The following LEPROTL1 variants were observed in gnomAD, a reference collection of about 807,000 sequenced individuals.
The protein encoded by LEPROTL1 is leptin receptor overlapping transcript-like 1.
A neutral mutation model predicts 15.4 loss-of-function variants in LEPROTL1; 6 were observed. That is an observed-to-expected ratio of 0.39 (90% CI 0.21 to 0.77). The LOEUF (loss-of-function observed/expected upper bound fraction) is 0.77. Among genes scored for constraint, LEPROTL1 ranks in the 30% least tolerant of loss-of-function variants. LEPROTL1 has a pLI of 0.41. For missense variants in LEPROTL1, 128 were observed against 158.1 expected, an observed-to-expected ratio of 0.81 and a Z score of 1.02; for synonymous variants, 56 against 52.6, an observed-to-expected ratio of 1.06 and a Z score of -0.28.
chr8:30,099,497 A>G (rs201860102), intron 1 of LEPROTL1, among the ~76,000 whole-genome samples: 137,518 of 150,906 alleles, frequency 0.91, 63,031 homozygotes, highest in East Asian at 1. Flanking sequence ...GCTACTCAGA[A>G]AGGCTGAGGC....
rs1215772992 is a variant in LEPROTL1 at position 30,137,296 on chromosome 8, A to G, written c.419A>G (p.Gln140Arg). The change falls in exon 5 of 5, where the codon CAA becomes CGA. Residue 140 changes from glutamine (Q) to arginine (R), a missense_variant. By Grantham distance (43) the Gln-to-Arg change is conservative (BLOSUM62 1). Transcript: ENST00000442880. ...GATGGGGCGCCTACCCTTCTTCAGC[A>G]AGATGGGAACAGCTGAGTCTGAAGG... The G allele has an allele frequency of 7.7e-6, 12 of 1,551,576 alleles. No homozygotes were observed. The African/African-American group carries it at 1.2e-4, about 16-fold the overall frequency.
At position 30,106,869 on chromosome 8, in the gene LEPROTL1, A is replaced by G; in HGVS notation, c.*1007A>G. ...GTATGTTGTATATATTACATAAAAT[A>G]ACTTTTCAAATATAGTTTAATAACA... On this transcript the variant is annotated 3_prime_UTR_variant, in exon 4 of 4. Transcript: ENST00000321250. The G allele has an allele frequency of 1.0e-6, 1 of 983,320 alleles. No individual in the cohort carries two copies. The allele number at this position is 983,320 out of a possible 1,614,324, so 60.9% of individuals were successfully genotyped here.
chr8:30,097,696 T>TACACACACACACACACACAC (rs1470929284), intron 1 of LEPROTL1, among the ~76,000 whole-genome samples: 1 of 108,984 alleles, frequency 9.2e-6, no homozygotes, highest in African/African-American at 3.4e-5. Flanking sequence ...TATATATATA[T>TACACACACACACACACACAC]ATACACACAC....
intron 1 of LEPROTL1, chr8:30,096,340 C>G: frequency 2.0e-6 from 2 of 985,084 alleles, no homozygotes. Context: ...TGATGAGAAG[C>G]AAAGTTTTCA....
intron 3 of LEPROTL1, among the ~76,000 whole-genome samples, chr8:30,124,045 T>G (rs1802872814): frequency 6.6e-6 from 1 of 151,160 alleles, no homozygotes; most frequent in African/African-American, 2.4e-5. Context: ...AAGAAGAAAC[T>G]ACCAAAACAC....
At chr8:30,133,380 A>G (rs530721042) in intron 4 of LEPROTL1, among the ~76,000 whole-genome samples, 1 of 152,348 alleles carries the variant, frequency 6.6e-6, no homozygotes, top group African/African-American at 2.4e-5. Context: ...ATAAATAAGC[A>G]TATGTATATC....
chr8:30,137,342 A>G, exon 5 of LEPROTL1: 4 of 1,551,712 alleles, frequency 2.6e-6, no homozygotes, highest in Non-Finnish European at 2.6e-6. Context: ...CTGACACAGC[A>G]GCTGCCTCTC....
intron 3 of LEPROTL1, among the ~76,000 whole-genome samples, chr8:30,128,515 C>T (rs1280520606): frequency 6.6e-6 from 1 of 151,992 alleles, no homozygotes; most frequent in African/African-American, 2.4e-5. Context: ...TTTTGGAAGG[C>T]CAAGGAGGTT....
At chr8:30,128,168 A>G (rs1401871950) in intron 3 of LEPROTL1, among the ~76,000 whole-genome samples, 1 of 152,112 alleles carries the variant, frequency 6.6e-6, no homozygotes, top group Non-Finnish European at 1.5e-5. Flanking sequence ...TCTGGCTCCG[A>G]CTTCTTTCCT....
chr8:30,115,453 C>G (rs1026629407), intron 3 of LEPROTL1, among the ~76,000 whole-genome samples: 2 of 151,874 alleles, frequency 1.3e-5, no homozygotes, highest in Non-Finnish European at 2.9e-5. Context: ...AATCCTGCAC[C>G]CTTGATCTCC....
At chr8:30,135,178 C>T (rs1360923801) in intron 4 of LEPROTL1, among the ~76,000 whole-genome samples, 3 of 152,104 alleles carry the variant, frequency 2.0e-5, no homozygotes, top group Non-Finnish European at 4.4e-5. Flanking sequence ...AGGCGTGAGC[C>T]ACTGTGCCCA....
downstream of LEPROTL1, among the ~76,000 whole-genome samples, chr8:30,111,726 G>A (rs1350706260): frequency 3.3e-5 from 5 of 152,198 alleles, no homozygotes; most frequent in Non-Finnish European, 5.9e-5. Flanking sequence ...GTTCACGGAA[G>A]GGAAAGATTT....
chr8:30,130,431 C>T (rs1181867331), intron 3 of LEPROTL1, among the ~76,000 whole-genome samples: 4 of 152,124 alleles, frequency 2.6e-5, no homozygotes, highest in Non-Finnish European at 5.9e-5. Context: ...TACAGGTGAC[C>T]TGCAGATGTG....
downstream of LEPROTL1, chr8:30,137,962 G>A: frequency 5.1e-6 from 1 of 197,094 alleles, no homozygotes; most frequent in Admixed American, 5.3e-5. Flanking sequence ...CCCTGCCCTT[G>A]ATGGATCAGC....
intron 2 of LEPROTL1, among the ~76,000 whole-genome samples, chr8:30,102,887 G>A (rs995816515): frequency 6.6e-6 from 1 of 152,052 alleles, no homozygotes; most frequent in Non-Finnish European, 1.5e-5. Context: ...GTGCTGTGGG[G>A]GGAGTACACA....
rs1802556724 is a variant in LEPROTL1 at position 30,105,879 on chromosome 8, T to C, written c.*17T>C. The C allele has an allele frequency of 5.3e-6, 8 of 1,496,534 alleles. No individual in the cohort carries two copies. The highest frequency in any genetic ancestry group is 7.1e-6 in the Non-Finnish European group (8 of 1,121,434). The allele number at this position is 1,496,534 out of a possible 1,614,324, so 92.7% of individuals were successfully genotyped here. ...CAGTGGTGAAAAGAAATTACTGAAC[T>C]ATTGTCAAATGGACTTCCTGTCATT... On this transcript the variant is annotated 3_prime_UTR_variant, in exon 4 of 4. Coordinates refer to ENST00000321250, the MANE Select transcript of LEPROTL1 (RefSeq NM_015344.3).
At chr8:30,131,525 C>A (rs1395529095) in intron 3 of LEPROTL1, among the ~76,000 whole-genome samples, 1 of 152,010 alleles carries the variant, frequency 6.6e-6, no homozygotes, top group Non-Finnish European at 1.5e-5. Context: ...ACATAACAAA[C>A]CAATATGATA....
rs1478093514 is a variant in LEPROTL1, at chr8:30,116,405, C to T, written c.279+11919C>T. The stretch of plus-strand genomic sequence containing the variant: ...GCGGGGGATGGTTTTGGGATGAAAC[C>T]GTTCCACCTCAGATCATCAGGCATT... On this transcript the variant is annotated intron_variant, in intron 3 of 4. Transcript: ENST00000442880. Among the ~76,000 whole-genome samples the T allele has an allele frequency of 5.9e-5, 9 of 152,214 alleles. No individual in the cohort carries two copies. The East Asian group carries it at 1.2e-3, about 20-fold the overall frequency.
In LEPROTL1 at chr8:30,107,143, A is replaced by G. The variant is rs1640783500; in HGVS notation, c.*1281A>G. ...TCTGAACTGTTTTGATTTTGAGTTC[A>G]TCATGATAGATCTGCTGTTTCCTTA... On this transcript the variant is annotated 3_prime_UTR_variant, in exon 4 of 4. Transcript: ENST00000321250. 2.0e-6 allele frequency: 2 copies of G among 985,114 alleles called. No homozygotes were observed. The highest frequency in any genetic ancestry group is 6.2e-5 in the Admixed American group (1 of 16,258). 61.0% of individuals were successfully genotyped at this position (985,114 alleles called of 1,614,324 possible). A position where few individuals can be genotyped will look rare whatever the true frequency, so the allele number is the denominator to read the frequency against.
Sources: allele counts gnomAD v4.1 joint callset (sites outside exome capture counted in the v4.1 genomes callset), GRCh38; gene constraint gnomAD v4.1.1; transcripts MANE v1.5; gene names NCBI Gene and HGNC (gene_info 2026-07-23, HGNC 2026-07-21).